The following FAIM2 variants were observed in gnomAD, a reference collection of about 807,000 sequenced individuals.
The protein encoded by FAIM2 is protein lifeguard 2.
A neutral mutation model predicts 47.4 loss-of-function variants in FAIM2; 27 were observed. The ratio of observed to expected loss-of-function variants is 0.57; its 90% CI spans 0.42 to 0.78. The LOEUF (loss-of-function observed/expected upper bound fraction) is 0.78, where lower values mean the gene tolerates loss of function less well. Ranked by LOEUF, FAIM2 falls within the 30% of genes least tolerant of loss-of-function variation. The pLI, the probability that FAIM2 is intolerant of heterozygous loss-of-function variation, is 0.00. For synonymous variants in FAIM2, 156 were observed against 159.3 expected, an observed-to-expected ratio of 0.98 and a Z score of 0.16; for missense variants, 311 against 389.4, an observed-to-expected ratio of 0.80 and a Z score of 1.69.
intron 2 of FAIM2, among the ~76,000 whole-genome samples, chr12:49,899,496 C>T (rs1946966411): frequency 6.6e-6 from 1 of 152,222 alleles, no homozygotes; most frequent in Admixed American, 6.5e-5. Context: ...ACATTCCTCC[C>T]CCGATCAGGT....
intron 11 of FAIM2, among the ~76,000 whole-genome samples, chr12:49,880,244 ATGTT>A (rs1303610945): frequency 2.8e-5 from 4 of 143,114 alleles, no homozygotes; most frequent in African/African-American, 5.3e-5. Flanking sequence ...GTGTATGTGT[ATGTT>A]CATGTGTATA....
At chr12:49,902,106 G>A (rs1946985748) in intron 1 of FAIM2, 1 of 152,160 alleles carries the variant, frequency 6.6e-6, no homozygotes, top group Non-Finnish European at 1.5e-5. Context: ...GAACAGATGA[G>A]GAAACTGAGG....
intron 2 of FAIM2, among the ~76,000 whole-genome samples, chr12:49,899,624 C>T (rs895016494): frequency 6.6e-6 from 1 of 152,234 alleles, no homozygotes; most frequent in Non-Finnish European, 1.5e-5. Flanking sequence ...TAACTCATGC[C>T]TATCCTTTGG....
chr12:49,871,273 T>G (rs377623529), intron 11 of FAIM2, among the ~76,000 whole-genome samples: 8 of 152,336 alleles, frequency 5.3e-5, no homozygotes, highest in East Asian at 1.9e-4. Flanking sequence ...AGCCAAGATT[T>G]CAACCTGAGC....
rs1209538333 is a variant in FAIM2 at position 49,889,555 on chromosome 12, T to C, written c.577A>G (p.Thr193Ala). Residue 193 changes from threonine to alanine, a missense_variant, in exon 9 of 12, where the codon ACC (threonine) becomes GCC (alanine). Physicochemically the swap from Thr to Ala is moderately conservative, Grantham distance 58. Transcript: ENST00000320634. ...ATGCCCAGGCACAGCAGCACGGAGG[T>C]GGTGTTGTAGTAGCTGAGGACCGTC... is the stretch of plus-strand genomic sequence containing the variant. ...TGMLSSYYNT[T>A]SVLLCLGITA... is the part of the protein sequence containing the mutation. 2.1e-5 allele frequency: 34 copies of C among 1,612,946 alleles called. No homozygotes were observed. The highest frequency in any genetic ancestry group is 2.8e-5 in the Non-Finnish European group (33 of 1,179,740).
At chr12:49,896,928 G>A in intron 5 of FAIM2, 103 bp downstream of exon 5, 1 of 934,652 alleles carries the variant, frequency 1.1e-6, no homozygotes. Flanking sequence ...TGTGGGGCTG[G>A]GGGAAGCTAC....
At chr12:49,890,622 G>A in intron 7 of FAIM2, 61 bp downstream of exon 7, 2 of 1,511,020 alleles carry the variant, frequency 1.3e-6, no homozygotes, top group Non-Finnish European at 1.8e-6. Flanking sequence ...AATCCACCCT[G>A]CTTCCCTTCT....
chr12:49,878,388 ATG>A lies in FAIM2; in HGVS notation c.802-7737_802-7736del, dbSNP rs1217842483. Among the ~76,000 whole-genome samples, 11 of 19,522 alleles carry A rather than the reference ATG, an allele frequency of 5.6e-4. 2 individuals carry two copies. The highest frequency in any genetic ancestry group is 2.0e-3 in the African/African-American group (6 of 3,054). The allele number at this position is 19,522 out of a possible 152,430, so 12.8% of individuals were successfully genotyped here. A position where few individuals can be genotyped will look rare whatever the true frequency, so the allele number is the denominator to read the frequency against. On this transcript the variant is annotated intron_variant, in intron 11 of 11. Transcript: ENST00000320634. ...TATGTGGGCATGTGCATGTGTGTATATGTGTGTGTCTGTGTGCATGTGAGTGT... is the reference window on the plus strand; with the variant it reads ...TATGTGGGCATGTGCATGTGTGTATATGTGTGTCTGTGTGCATGTGAGTGT...
intron 6 of FAIM2, 32 bp downstream of exon 6, chr12:49,891,032 C>T (rs777496690): frequency 6.2e-7 from 1 of 1,609,128 alleles, no homozygotes; most frequent in Non-Finnish European, 8.5e-7. Context: ...TGCTCATATT[C>T]CCACAAGTTC....
intron 11 of FAIM2, among the ~76,000 whole-genome samples, chr12:49,883,367 G>A (rs1946839610): frequency 6.6e-6 from 1 of 151,904 alleles, no homozygotes; most frequent in Non-Finnish European, 1.5e-5. Flanking sequence ...GATAGGAGTG[G>A]GGGCCACAGC....
At chr12:49,871,078 C>T (rs966425843) in intron 11 of FAIM2, among the ~76,000 whole-genome samples, 1 of 152,178 alleles carries the variant, frequency 6.6e-6, no homozygotes, top group Non-Finnish European at 1.5e-5. Context: ...CCATTCCCTC[C>T]GGACCCTGCT....
chr12:49,889,835 T>C (rs1592791471), intron 8 of FAIM2, among the ~76,000 whole-genome samples: 1 of 151,672 alleles, frequency 6.6e-6, no homozygotes, highest in Non-Finnish European at 1.5e-5. Context: ...GGCCTGGAGG[T>C]GGTTTACAAG....
intron 11 of FAIM2, among the ~76,000 whole-genome samples, chr12:49,882,948 G>A (rs59476474): frequency 6.7e-4 from 102 of 152,326 alleles, no homozygotes; most frequent in African/African-American, 2.4e-3. Context: ...GTCAGAATGA[G>A]ATGCGCTACA....
At chr12:49,882,116 C>T (rs879476366) in intron 11 of FAIM2, among the ~76,000 whole-genome samples, 3 of 152,230 alleles carry the variant, frequency 2.0e-5, no homozygotes, top group African/African-American at 4.8e-5. Context: ...CTCCTTGAGG[C>T]GACACACGTG....
At position 49,890,298 on chromosome 12, in the gene FAIM2, G is replaced by A; in HGVS notation, c.526-144C>T. On this transcript the variant is annotated intron_variant, in intron 7 of 11. Coordinates refer to ENST00000320634, the MANE Select transcript of FAIM2 (RefSeq NM_012306.4). ...CACCCCCACACACACTGACTTTCGG[G>A]AGTCAGGCCTGGCTAAGGAGTGTCC... The A allele has an allele frequency of 4.1e-6, 3 of 738,178 alleles. 1 individual carries two copies. The highest frequency in any genetic ancestry group is 3.4e-5 in the South Asian group (2 of 59,252). The allele number at this position is 738,178 out of a possible 1,614,324, so 45.7% of individuals were successfully genotyped here. A position where few individuals can be genotyped will look rare whatever the true frequency, so the allele number is the denominator to read the frequency against.
chr12:49,875,566 A>C (rs544819269), intron 11 of FAIM2, among the ~76,000 whole-genome samples: 1 of 152,202 alleles, frequency 6.6e-6, no homozygotes, highest in East Asian at 1.9e-4. Flanking sequence ...TTGCACCCCC[A>C]GGAGGGCCAC....
At chr12:49,870,949 A>G (rs1252811564) in intron 11 of FAIM2, among the ~76,000 whole-genome samples, 1 of 152,216 alleles carries the variant, frequency 6.6e-6, no homozygotes, top group Non-Finnish European at 1.5e-5. Context: ...GATGAGTATA[A>G]CAAGGTTCCA....
Position 49,890,700 on chromosome 12 carries a change from T to A in FAIM2, c.508A>T (p.Ile170Phe). ...TCACTTACAAAGACGGTCAGGAGAA[T>A]CAGGTTCCAGGGGAAATGCCTCCTG... ...GPRRHFPWNL[I>F]LLTVFTLSMA... The change falls in exon 7 of 12, where the codon ATT becomes TTT. Residue 170 changes from isoleucine to phenylalanine, a missense_variant. Physicochemically the swap from Ile to Phe is conservative, Grantham distance 21. Transcript: ENST00000320634. 6.2e-7 allele frequency: 1 copy of A among 1,613,930 alleles called. No homozygotes were observed. Among genetic ancestry groups the A allele is most frequent in the Non-Finnish European group, 8.5e-7 (1 of 1,179,926 alleles).
At chr12:49,871,447 CCCTGCCAGG>C (rs1161743618) in intron 11 of FAIM2, among the ~76,000 whole-genome samples, 23 of 152,060 alleles carry the variant, frequency 1.5e-4, no homozygotes, top group Non-Finnish European at 2.6e-4. Context: ...ACCCCCCTGC[CCCTGCCAGG>C]CCTGCCCACT....
Sources: gnomAD v4.1 joint callset for allele counts (sites outside exome capture counted in the v4.1 genomes callset) on GRCh38, gnomAD v4.1.1 for gene constraint, MANE v1.5 for transcripts, NCBI Gene and HGNC (gene_info 2026-07-23, HGNC 2026-07-21) for gene names.